ABHD6: variants seen among roughly 807,000 people sequenced by gnomAD.
ABHD6 encodes the protein abhydrolase domain containing 6, acylglycerol lipase.
ABHD6 carries 33 observed loss-of-function variants against 38.8 expected under a neutral mutation model. That is an observed-to-expected ratio of 0.85 (90% confidence interval 0.64 to 1.14). The LOEUF is 1.14. Among genes scored for constraint, ABHD6 ranks in the 50% most tolerant of loss-of-function variants. ABHD6 has a pLI of 0.00. For missense variants in ABHD6, 380 were observed against 422.6 expected (o/e 0.90, Z 0.88); for synonymous variants, 147 against 161.6 (o/e 0.91, Z 0.69).
At position 58,267,044 on chromosome 3, in the gene ABHD6, C is replaced by A; in HGVS notation, c.120-145C>A. The A allele has an allele frequency of 1.2e-6, 1 of 852,678 alleles. No homozygotes were observed. Among genetic ancestry groups the A allele is most frequent in the Non-Finnish European group, 1.8e-6 (1 of 550,248 alleles). 52.8% of individuals were successfully genotyped at this position (852,678 alleles called of 1,614,324 possible). On this transcript the variant is annotated intron_variant, in intron 3 of 9. Transcript: ENST00000478253. The surrounding 1 kb of genome is among the most constrained non-coding windows in gnomAD (Gnocchi z 4.3). ...TCCTTGAGGGTAAAGCTCAGGAGGA[C>A]TCTAGAGACTGATGGAGGACAAGGG...
chr3:58,272,766 G>A (rs2097445948), intron 6 of ABHD6, among the ~76,000 whole-genome samples: 2 of 152,060 alleles, frequency 1.3e-5, no homozygotes, highest in African/African-American at 2.4e-5. Flanking sequence ...GTTTGTATGT[G>A]AAAACTAAAA....
chr3:58,274,245 C>T lies in ABHD6; in HGVS notation c.524-413C>T, dbSNP rs530748780. Among the ~76,000 whole-genome samples, 3 of 152,316 alleles carry T rather than the reference C, an allele frequency of 2.0e-5. No homozygotes were observed. In the South Asian group the frequency reaches 6.2e-4, roughly 32 times the overall value. ...TATGTTTTCTTCCGGTCATGTATTTCCTCACATTTCCTGTCAACACTCAGA... is the reference window on the plus strand; with the variant it reads ...TATGTTTTCTTCCGGTCATGTATTTTCTCACATTTCCTGTCAACACTCAGA... On this transcript the variant is annotated intron_variant, in intron 6 of 9. Transcript: ENST00000478253.
intron 2 of ABHD6, among the ~76,000 whole-genome samples, chr3:58,250,729 G>A (rs1320463448): frequency 6.6e-6 from 1 of 152,112 alleles, no homozygotes; most frequent in Non-Finnish European, 1.5e-5. Context: ...GTTTTTAGGG[G>A]TGTAAGTCCC....
chr3:58,262,482 T>C (rs1326771031), intron 3 of ABHD6, among the ~76,000 whole-genome samples: 1 of 152,196 alleles, frequency 6.6e-6, no homozygotes, highest in African/African-American at 2.4e-5. Flanking sequence ...TTTAGGTCAA[T>C]AGAGCCTTCA....
intron 9 of ABHD6, among the ~76,000 whole-genome samples, chr3:58,289,228 A>AT (rs11457127): frequency 0.78 from 118,456 of 151,334 alleles, 47,061 homozygotes; most frequent in East Asian, 0.99. Context: ...GTAATTTTTT[A>AT]TTTTTTTTAT....
At position 58,238,946 on chromosome 3, in the gene ABHD6, G is replaced by A. The variant is rs977369625; in HGVS notation, c.-91+1030G>A. On this transcript the variant is annotated intron_variant, in intron 1 of 9. Coordinates refer to ENST00000478253, the MANE Select transcript of ABHD6 (RefSeq NM_001320126.2). This position sits in a 1 kb window ranked among gnomAD's most constrained non-coding sequence, Gnocchi z 6.9. ...TAGAATAAGCAAATCTTGTGTGCCA[G>A]GCCCTGTCCTAAGCCCCTTAAAAGA... Among the ~76,000 whole-genome samples the A allele has an allele frequency of 6.6e-6, 1 of 152,018 alleles. No homozygotes were observed. Among genetic ancestry groups the A allele is most frequent in the Admixed American group, 6.5e-5 (1 of 15,268 alleles).
chr3:58,276,430 G>T (rs894314173), intron 7 of ABHD6, among the ~76,000 whole-genome samples: 19 of 152,236 alleles, frequency 1.2e-4, no homozygotes, highest in Admixed American at 3.3e-4. Context: ...AGAAGTGTCT[G>T]TTCATATCCT....
intron 6 of ABHD6, among the ~76,000 whole-genome samples, chr3:58,272,504 C>T (rs774518075): frequency 9.9e-5 from 15 of 152,180 alleles, no homozygotes; most frequent in Non-Finnish European, 2.2e-4. Flanking sequence ...TAATCATTTT[C>T]GATATGTTGA....
Position 58,259,390 on chromosome 3 carries a change from C to T in ABHD6, c.119+2685C>T, listed in dbSNP as rs2097435467. On this transcript the variant is annotated intron_variant, in intron 3 of 9. Coordinates refer to ENST00000478253, the MANE Select transcript of ABHD6 (RefSeq NM_001320126.2). This position sits in a 1 kb window ranked among gnomAD's most constrained non-coding sequence, Gnocchi z 4.7. Reference sequence around the variant, plus strand: ...ATAAAAGTCACCATTTTAAAGTGTACAATTCAAGGCTGGGCACGATGGCTC... The same window carrying T: ...ATAAAAGTCACCATTTTAAAGTGTATAATTCAAGGCTGGGCACGATGGCTC... Among the ~76,000 whole-genome samples the T allele has an allele frequency of 6.6e-6, 1 of 152,124 alleles. No homozygotes were observed. The highest frequency in any genetic ancestry group is 2.4e-5 in the African/African-American group (1 of 41,424).
chr3:58,261,796 C>T (rs562382532), intron 3 of ABHD6, among the ~76,000 whole-genome samples: 1 of 152,234 alleles, frequency 6.6e-6, no homozygotes, highest in East Asian at 1.9e-4. Context: ...TTTGTCGGCT[C>T]CCCAGAAAGT....
chr3:58,246,255 T>C, intron 1 of ABHD6, among the ~76,000 whole-genome samples: 1 of 152,218 alleles, frequency 6.6e-6, no homozygotes, highest in Admixed American at 6.5e-5. Context: ...AAACATGATT[T>C]CAAGCAGGCG....
rs1274158845 is a variant in ABHD6 at position 58,277,952 on chromosome 3, G to A, written c.681+3137G>A. On this transcript the variant is annotated intron_variant, in intron 7 of 9. Transcript: ENST00000478253. ...TGTTGAACCAGCCTTACATCTCAGG[G>A]ATGAAGCCGACTTGATCGTGGTGGA... Among the ~76,000 whole-genome samples the A allele has an allele frequency of 2.0e-5, 3 of 152,220 alleles. No homozygotes were observed. In the East Asian group the frequency reaches 5.8e-4, roughly 29 times the overall value.
chr3:58,274,220 T>C (rs1466451527), intron 6 of ABHD6, among the ~76,000 whole-genome samples: 2 of 152,212 alleles, frequency 1.3e-5, no homozygotes, highest in African/African-American at 4.8e-5. Context: ...ATGCCAGCCC[T>C]ATGTTTTCTT....
At chr3:58,271,140 C>T (rs182710699) in intron 6 of ABHD6, 76 bp downstream of exon 6, 184 of 1,458,732 alleles carry the variant, frequency 1.3e-4, no homozygotes, top group Non-Finnish European at 1.6e-4. Context: ...CTGCTATGAC[C>T]GTTTTTTGGA....
chr3:58,291,631 A>G (rs1170201426), intron 9 of ABHD6, among the ~76,000 whole-genome samples: 4 of 152,160 alleles, frequency 2.6e-5, no homozygotes, highest in African/African-American at 9.7e-5. Flanking sequence ...ACAGATGTGC[A>G]TATCTCATCA....
chr3:58,240,884 G>T (rs1466822574), intron 1 of ABHD6, among the ~76,000 whole-genome samples: 2 of 151,874 alleles, frequency 1.3e-5, no homozygotes. Flanking sequence ...GCATGCACAA[G>T]CACGCCTGGC....
intron 9 of ABHD6, among the ~76,000 whole-genome samples, chr3:58,291,994 A>G (rs1554128): frequency 0.78 from 119,330 of 152,214 alleles, 47,504 homozygotes; most frequent in East Asian, 1. Context: ...CCACTTTTTC[A>G]TGCTGTTTTC....
intron 2 of ABHD6, among the ~76,000 whole-genome samples, chr3:58,254,325 T>C (rs2097431805): frequency 6.6e-6 from 1 of 152,200 alleles, no homozygotes; most frequent in South Asian, 2.1e-4. Flanking sequence ...GCCTACAGCC[T>C]ATTTCTGTGA....
chr3:58,247,108 C>T (rs148199365), intron 1 of ABHD6, among the ~76,000 whole-genome samples: 14 of 151,856 alleles, frequency 9.2e-5, no homozygotes, highest in Non-Finnish European at 1.5e-4. Flanking sequence ...CTGCAACCTC[C>T]GCCTCCTGGG....
Sources: gnomAD v4.1 joint callset for allele counts (sites outside exome capture counted in the v4.1 genomes callset) on GRCh38, gnomAD v4.1.1 for gene constraint, Gnocchi (gnomAD v3.1) non-coding constraint, MANE v1.5 for transcripts, NCBI Gene and HGNC (gene_info 2026-07-23, HGNC 2026-07-21) for gene names.